STARD9: variants seen among roughly 807,000 people sequenced by gnomAD.
The protein encoded by STARD9 is stAR-related lipid transfer protein 9.
STARD9 carries 346 observed loss-of-function variants against 399.8 expected under a neutral mutation model. The observed-to-expected ratio is 0.87, with a 90% CI of 0.79 to 0.95. The LOEUF is 0.95. Ranked by LOEUF, STARD9 falls within the 40% of genes least tolerant of loss-of-function variation. STARD9 has a pLI of 0.00. For missense variants in STARD9, 5,832 were observed against 5,667.5 expected (o/e 1.03, Z -0.93); for synonymous variants, 2,203 against 2,143.5 (o/e 1.03, Z -0.77).
chr15:42,692,860 T>C lies in STARD9; in HGVS notation c.11282T>C (p.Leu3761Pro). 1 of 1,537,212 alleles carries C rather than the reference T, an allele frequency of 6.5e-7. No homozygotes were observed. The highest frequency in any genetic ancestry group is 8.7e-7 in the Non-Finnish European group (1 of 1,146,908). ...EAEPQGANVI[L>P]EGLGSDTSTV... ...GAACCTCAGGGAGCCAATGTGATCC[T>C]TGAAGGGCTAGGCTCAGATACCTCG... is the stretch of plus-strand genomic sequence containing the variant. Residue 3761 changes from leucine to proline, a missense_variant, in exon 23 of 33, where the codon CTT (leucine) becomes CCT (proline). Physicochemically the swap from Leu to Pro is moderately conservative, Grantham distance 98. Around this residue, in one of 2 missense-constraint regions of STARD9, gnomAD observed 5,828 missense variants for 5,651.1 expected, o/e 1.03. Coordinates refer to ENST00000290607, the MANE Select transcript of STARD9 (RefSeq NM_020759.3).
intron 20 of STARD9, among the ~76,000 whole-genome samples, chr15:42,680,326 G>C (rs545086800): frequency 1.3e-5 from 2 of 152,280 alleles, no homozygotes; most frequent in East Asian, 1.9e-4. Flanking sequence ...TAGGTCGGGC[G>C]TGGTGGCTCA....
intron 3 of STARD9, among the ~76,000 whole-genome samples, chr15:42,631,582 A>G (rs191126197): frequency 1.3e-5 from 2 of 148,688 alleles, no homozygotes; most frequent in African/African-American, 4.9e-5. Flanking sequence ...TCCGTCTCCA[A>G]AAAAAAAAAA....
chr15:42,691,618 C>T lies in STARD9; in HGVS notation c.10040C>T (p.Pro3347Leu). The change falls in exon 23 of 33, where the codon CCT becomes CTT. Residue 3347 changes from proline (P) to leucine (L), a missense_variant. Physicochemically the swap from Pro to Leu is moderately conservative, Grantham distance 98 (BLOSUM62 -3). This residue lies in a region of STARD9 where 5,828 missense variants were observed against 5,651.1 expected (regional missense o/e 1.03). Coordinates refer to ENST00000290607, the MANE Select transcript of STARD9 (RefSeq NM_020759.3). ...AACTTGAGTGTGGAGCCTCCTTCCC[C>T]TACAGACGAAGATACACAGGGGCCT... ...ELNLSVEPPSPTDEDTQGPNR... is the reference protein window; with the variant it reads ...ELNLSVEPPSLTDEDTQGPNR... 1 of 1,537,260 alleles carries T rather than the reference C, an allele frequency of 6.5e-7. No homozygotes were observed.
chr15:42,655,504 C>T (rs1235805468), intron 9 of STARD9, among the ~76,000 whole-genome samples: 3 of 152,146 alleles, frequency 2.0e-5, no homozygotes, highest in African/African-American at 7.2e-5. Flanking sequence ...CCCTATTCAA[C>T]AAATGGTGCT....
intron 26 of STARD9, among the ~76,000 whole-genome samples, chr15:42,709,367 G>A (rs1332091274): frequency 1.3e-5 from 2 of 152,076 alleles, no homozygotes; most frequent in African/African-American, 4.8e-5. Context: ...ATTGGCCTTG[G>A]ACAGAGGGAG....
intron 1 of STARD9, among the ~76,000 whole-genome samples, chr15:42,581,972 A>G (rs775984049): frequency 1.3e-5 from 2 of 152,104 alleles, no homozygotes; most frequent in Non-Finnish European, 2.9e-5. Flanking sequence ...GTCGTCAACA[A>G]CAACAACAAC....
Position 42,718,489 on chromosome 15 carries a change from G to C in STARD9, c.13817G>C (p.Cys4606Ser), listed in dbSNP as rs1595838621. 1.3e-6 allele frequency: 2 copies of C among 1,537,238 alleles called. No individual in the cohort carries two copies. ...LCALKQPRDF[C>S]CVCVEAKEGH... ...GCACTGAAGCAGCCACGGGATTTCTGTTGTGTCTGCGTGGAAGCCAAAGAG... is the reference window on the plus strand; with the variant it reads ...GCACTGAAGCAGCCACGGGATTTCTCTTGTGTCTGCGTGGAAGCCAAAGAG... The change falls in exon 31 of 33, where the codon TGT becomes TCT. Residue 4606 changes from cysteine (C) to serine (S), a missense_variant. By Grantham distance (112) the Cys-to-Ser change is moderately radical (BLOSUM62 -1). Transcript: ENST00000290607.
intron 7 of STARD9, among the ~76,000 whole-genome samples, chr15:42,639,983 TGCAAACATA>T (rs1288343066): frequency 2.6e-5 from 4 of 152,230 alleles, no homozygotes; most frequent in African/African-American, 4.8e-5. Flanking sequence ...AATGCAGTGA[TGCAAACATA>T]GCTCACTGCA....
intron 24 of STARD9, 41 bp downstream of exon 24, chr15:42,694,766 G>A (rs757716219): frequency 2.0e-6 from 3 of 1,511,646 alleles, no homozygotes; most frequent in East Asian, 2.5e-5. Context: ...AGGCTCTGTT[G>A]GGGGAGGGGA....
Position 42,664,328 on chromosome 15 carries a change from A to T in STARD9, c.1176+411A>T, listed in dbSNP as rs566019207. Among the ~76,000 whole-genome samples, 7 of 152,172 alleles carry T rather than the reference A, an allele frequency of 4.6e-5. No individual in the cohort carries two copies. In the South Asian group the frequency reaches 1.5e-3, roughly 32 times the overall value. ...TAAAAAGTTTGTGTTTACTGCTTTT[A>T]TTTTGAATTTATGTTGATTTATTCC... On this transcript the variant is annotated intron_variant, in intron 13 of 32. Coordinates refer to ENST00000290607, the MANE Select transcript of STARD9 (RefSeq NM_020759.3).
At chr15:42,626,634 G>A (rs1224784121) in intron 3 of STARD9, among the ~76,000 whole-genome samples, 1 of 151,336 alleles carries the variant, frequency 6.6e-6, no homozygotes, top group Non-Finnish European at 1.5e-5. Flanking sequence ...CTGAGTAGCT[G>A]GGATTACAGG....
intron 3 of STARD9, among the ~76,000 whole-genome samples, chr15:42,588,919 A>G (rs1306043374): frequency 6.7e-6 from 1 of 150,150 alleles, no homozygotes; most frequent in African/African-American, 2.5e-5. Flanking sequence ...GGTTCCAGCG[A>G]TTCTTGTGCC....
At chr15:42,621,504 G>A (rs956525048) in intron 3 of STARD9, among the ~76,000 whole-genome samples, 5 of 152,218 alleles carry the variant, frequency 3.3e-5, no homozygotes, top group African/African-American at 9.6e-5. Flanking sequence ...ACAGCCTGAG[G>A]CTGCCACATG....
intron 26 of STARD9, among the ~76,000 whole-genome samples, chr15:42,714,743 A>G (rs2061320400): frequency 6.6e-6 from 1 of 151,818 alleles, no homozygotes; most frequent in Non-Finnish European, 1.5e-5. Context: ...TTTGAATTAT[A>G]TTTTCTTGTA....
intron 20 of STARD9, among the ~76,000 whole-genome samples, chr15:42,679,853 C>T (rs1483522445): frequency 6.6e-6 from 1 of 152,196 alleles, no homozygotes; most frequent in Admixed American, 6.5e-5. Context: ...TGGACCTCTT[C>T]TGTGATACCC....
rs1433655879 is a variant in STARD9 at position 42,687,306 on chromosome 15, T to C, written c.5728T>C (p.Phe1910Leu). 3 of 1,536,846 alleles carry C rather than the reference T, an allele frequency of 2.0e-6. No individual in the cohort carries two copies. The highest frequency in any genetic ancestry group is 2.6e-6 in the Non-Finnish European group (3 of 1,146,920). The change falls in exon 23 of 33, where the codon TTT (phenylalanine) becomes CTT (leucine). Residue 1910 changes from phenylalanine to leucine, a missense_variant. Coordinates refer to ENST00000290607, the MANE Select transcript of STARD9 (RefSeq NM_020759.3). Reference protein sequence around the residue: ...DSTESGKSLLFRESEAREEEE... With the variant: ...DSTESGKSLLLRESEAREEEE... ...CACTGAGTCTGGGAAGTCTCTCCTC[T>C]TTCGTGAATCTGAGGCACGAGAGGA...
At chr15:42,636,193 G>C (rs1287217262) in intron 4 of STARD9, among the ~76,000 whole-genome samples, 1 of 152,156 alleles carries the variant, frequency 6.6e-6, no homozygotes, top group African/African-American at 2.4e-5. Flanking sequence ...CTACTTAGGA[G>C]GCTGAGGTGG....
chr15:42,655,910 C>T (rs1223660793), intron 9 of STARD9, among the ~76,000 whole-genome samples: 1 of 152,000 alleles, frequency 6.6e-6, no homozygotes, highest in Non-Finnish European at 1.5e-5. Context: ...AAAAAGTGGG[C>T]TAAGGACATG....
intron 9 of STARD9, among the ~76,000 whole-genome samples, chr15:42,657,800 T>C (rs2059905412): frequency 1.3e-5 from 2 of 152,208 alleles, no homozygotes; most frequent in Non-Finnish European, 2.9e-5. Context: ...TGGAATAGAA[T>C]AGAGTCCAAA....
Sources: gnomAD v4.1 joint callset for allele counts (sites outside exome capture counted in the v4.1 genomes callset) on GRCh38, gnomAD v4.1.1 for gene constraint, gnomAD v4.1.1 regional missense constraint, MANE v1.5 for transcripts, NCBI Gene and HGNC (gene_info 2026-07-23, HGNC 2026-07-21) for gene names.